NTPCR: variants seen among roughly 807,000 people sequenced by gnomAD.
NTPCR encodes nucleoside-triphosphatase, cancer-related.
Under a neutral mutation model 19.5 loss-of-function variants are expected in NTPCR, and 15 were observed. That is an observed-to-expected ratio of 0.77 (90% CI 0.51 to 1.18). The LOEUF (loss-of-function observed/expected upper bound fraction) is 1.18. NTPCR is among the 50% of genes most tolerant of loss of function. The probability of loss-of-function intolerance (pLI) is 0.00; values close to 1 mark genes in which losing one functional copy is unlikely to be tolerated. For synonymous variants in NTPCR, 90 were observed against 95.8 expected, an observed-to-expected ratio of 0.94 and a Z score of 0.36; for missense variants, 206 against 240.4, an observed-to-expected ratio of 0.86 and a Z score of 0.95.
At chr1:232,968,331 C>A (rs1214511071) in intron 3 of NTPCR, 2 of 152,184 alleles carry the variant, frequency 1.3e-5, no homozygotes, top group Admixed American at 1.3e-4. Context: ...CATAAGTGTA[C>A]AATATGCAGT....
chr1:232,982,744 A>T lies in NTPCR; in HGVS notation c.*4513A>T, dbSNP rs1669315997. ...GAGTGGCCAGTCATACTCCTGGCTG[A>T]CCACTGCCAGGCACCGTGGTTTTCC... On this transcript the variant is annotated 3_prime_UTR_variant, in exon 5 of 5. Coordinates refer to ENST00000366628, the MANE Select transcript of NTPCR (RefSeq NM_032324.3). 1 of 152,178 alleles carries T rather than the reference A, an allele frequency of 6.6e-6. No homozygotes were observed. The highest frequency in any genetic ancestry group is 1.5e-5 in the Non-Finnish European group (1 of 68,040). 9.4% of individuals were successfully genotyped at this position (152,178 alleles called of 1,614,324 possible). A position where few individuals can be genotyped will look rare whatever the true frequency, so the allele number is the denominator to read the frequency against.
rs113899868 is a variant in NTPCR, at chr1:232,954,195, G to T, written c.35-1362G>T. On this transcript the variant is annotated intron_variant, in intron 1 of 4. Coordinates refer to ENST00000366628, the MANE Select transcript of NTPCR (RefSeq NM_032324.3). ...GTTACTGATGGCCAGGGCTGGATTA[G>T]AATGTCATCATTTTATGTTCTACAC... 4.0e-3 allele frequency among the ~76,000 whole-genome samples: 605 copies of T among 152,350 alleles called. 5 individuals are homozygous for T. The highest frequency in any genetic ancestry group is 0.014 in the African/African-American group (577 of 41,582).
chr1:232,951,032 A>C, intron 1 of NTPCR: 2 of 425,392 alleles, frequency 4.7e-6, no homozygotes, highest in Non-Finnish European at 8.4e-6. Context: ...GGTAACTCCT[A>C]CTGTAGTGTT....
chr1:232,972,592 A>G (rs1009051904), intron 4 of NTPCR, among the ~76,000 whole-genome samples: 16 of 151,906 alleles, frequency 1.1e-4, no homozygotes, highest in African/African-American at 3.9e-4. Context: ...CACCTGACTC[A>G]TTTGTGCATT....
chr1:232,958,415 C>A (rs1029765096), intron 3 of NTPCR, among the ~76,000 whole-genome samples: 6 of 152,250 alleles, frequency 3.9e-5, no homozygotes, highest in Non-Finnish European at 8.8e-5. Flanking sequence ...ATCTTTGCCT[C>A]TCTGCTCCTT....
At chr1:232,961,964 T>C (rs1668679478) in intron 3 of NTPCR, 1 of 152,246 alleles carries the variant, frequency 6.6e-6, no homozygotes, top group African/African-American at 2.4e-5. Context: ...ATCAGTACCA[T>C]AGTATTTTAA....
intron 4 of NTPCR, among the ~76,000 whole-genome samples, chr1:232,973,532 G>T (rs972788712): frequency 1.3e-5 from 2 of 152,176 alleles, no homozygotes; most frequent in African/African-American, 4.8e-5. Context: ...CATTTGTCAT[G>T]CCAAGAATCA....
intron 1 of NTPCR, among the ~76,000 whole-genome samples, chr1:232,952,829 C>T (rs1329800465): frequency 6.6e-6 from 1 of 152,134 alleles, no homozygotes; most frequent in Admixed American, 6.5e-5. Flanking sequence ...TGCATATCCT[C>T]TTAGTGCCCC....
chr1:232,960,276 A>G (rs1043027811), intron 3 of NTPCR, among the ~76,000 whole-genome samples: 2 of 149,088 alleles, frequency 1.3e-5, no homozygotes, highest in African/African-American at 4.9e-5. Context: ...GGAGAGGCTC[A>G]GGAGGGCCAG....
intron 4 of NTPCR, among the ~76,000 whole-genome samples, chr1:232,972,647 G>A (rs898331964): frequency 1.3e-4 from 19 of 151,760 alleles, no homozygotes; most frequent in African/African-American, 3.6e-4. Flanking sequence ...GGTTGATCTC[G>A]AATTGAAGAG....
At chr1:232,966,244 T>C (rs1668814047) in intron 3 of NTPCR, 2 of 152,318 alleles carry the variant, frequency 1.3e-5, no homozygotes, top group South Asian at 4.1e-4. Flanking sequence ...GGCTGCAGTT[T>C]TGCTGCCTAA....
At chr1:232,975,424 G>C (rs1669098145) in intron 4 of NTPCR, among the ~76,000 whole-genome samples, 1 of 152,188 alleles carries the variant, frequency 6.6e-6, no homozygotes, top group Non-Finnish European at 1.5e-5. Flanking sequence ...ACTGGGTCCT[G>C]CTTATGTTCT....
chr1:232,978,437 TG>T lies in NTPCR; in HGVS notation c.*207del. On this transcript the variant is annotated 3_prime_UTR_variant, in exon 5 of 5. Coordinates refer to ENST00000366628, the MANE Select transcript of NTPCR (RefSeq NM_032324.3). ...TGTCTGTACAAGATTAACTATCCAT[TG>T]TGGCTTATCTATGCTTAAAGATTTC... The T allele has an allele frequency of 5.9e-6, 3 of 505,158 alleles. No individual in the cohort carries two copies. The highest frequency in any genetic ancestry group is 1.1e-5 in the Non-Finnish European group (3 of 283,516). The allele number at this position is 505,158 out of a possible 1,614,324, so 31.3% of individuals were successfully genotyped here.
At chr1:232,973,141 T>C (rs1304536141) in intron 4 of NTPCR, among the ~76,000 whole-genome samples, 2 of 152,174 alleles carry the variant, frequency 1.3e-5, no homozygotes, top group Non-Finnish European at 2.9e-5. Context: ...GCCCGTGATA[T>C]GGGGGAAATG....
intron 1 of NTPCR, among the ~76,000 whole-genome samples, chr1:232,953,134 C>T (rs998666064): frequency 2.0e-5 from 3 of 152,198 alleles, no homozygotes; most frequent in Non-Finnish European, 4.4e-5. Flanking sequence ...CTTGACAGTG[C>T]ACCTCATGCT....
intron 2 of NTPCR, 24 bp downstream of exon 2, chr1:232,955,743 T>C (rs765225894): frequency 6.2e-7 from 1 of 1,609,676 alleles, no homozygotes; most frequent in Non-Finnish European, 8.5e-7. Flanking sequence ...ATTTCTGTGG[T>C]GTTCTATTAT....
In NTPCR at chr1:232,956,329, T is replaced by C; in HGVS notation, c.198-18T>C. ...TACAGGAGTTTTTCAACAAAGAACA[T>C]AATGTCTTTTCCTTCAGGTTAGAGC... On this transcript the variant is annotated intron_variant, in intron 2 of 4. Transcript: ENST00000366628. 6.3e-7 allele frequency: 1 copy of C among 1,589,020 alleles called. No homozygotes were observed. Among genetic ancestry groups the C allele is most frequent in the Non-Finnish European group, 8.6e-7 (1 of 1,157,376 alleles).
chr1:232,970,968 GT>G (rs770708515), intron 4 of NTPCR, among the ~76,000 whole-genome samples: 13 of 152,212 alleles, frequency 8.5e-5, no homozygotes, highest in Non-Finnish European at 1.3e-4. Context: ...TTCTCATGTG[GT>G]TTTTAGGTCC....
intron 1 of NTPCR, among the ~76,000 whole-genome samples, chr1:232,951,893 A>G (rs887078378): frequency 5.3e-5 from 8 of 152,174 alleles, no homozygotes; most frequent in Non-Finnish European, 8.8e-5. Context: ...GAAACTTGGA[A>G]TGCAGTTTGA....
Sources: gnomAD v4.1 joint callset for allele counts (sites outside exome capture counted in the v4.1 genomes callset) on GRCh38, gnomAD v4.1.1 for gene constraint, MANE v1.5 for transcripts, NCBI Gene and HGNC (gene_info 2026-07-23, HGNC 2026-07-21) for gene names.